The following AK7 variants were observed in gnomAD, a reference collection of about 807,000 sequenced individuals.
The protein encoded by AK7 is ATP-AMP transphosphorylase 7.
A neutral mutation model predicts 96.6 loss-of-function variants in AK7; 78 were observed. That is an observed-to-expected ratio of 0.81 (90% CI 0.67 to 0.97). The LOEUF is 0.97. Ranked by LOEUF, AK7 falls within the 50% of genes least tolerant of loss-of-function variation. The probability of loss-of-function intolerance (pLI) is 0.00; values close to 1 mark genes in which losing one functional copy is unlikely to be tolerated. For synonymous variants in AK7, 302 were observed against 317.2 expected (o/e 0.95, Z 0.51); for missense variants, 855 against 887.9 (o/e 0.96, Z 0.47).
rs1436537358 is a variant in AK7, at chr14:96,444,335, T to TA, written c.779+1519dup. On this transcript the variant is annotated intron_variant, in intron 7 of 17. Coordinates refer to ENST00000267584, the MANE Select transcript of AK7 (RefSeq NM_152327.5). ...AGAAGAGTCTTTTACATTATTAATA[T>TA]AACTTACTTGGCATTAATCCTTAAC... is the stretch of plus-strand genomic sequence containing the variant. 2.6e-5 allele frequency among the ~76,000 whole-genome samples: 4 copies of TA among 152,212 alleles called. No individual in the cohort carries two copies. In the East Asian group the frequency reaches 7.7e-4, roughly 29 times the overall value.
At chr14:96,405,475 T>A (rs1890657940) in intron 3 of AK7, among the ~76,000 whole-genome samples, 1 of 152,048 alleles carries the variant, frequency 6.6e-6, no homozygotes, top group African/African-American at 2.4e-5. Context: ...TGAGCCACAA[T>A]GCCTTACCAA....
chr14:96,438,150 A>G (rs1441128193), intron 6 of AK7, among the ~76,000 whole-genome samples: 1 of 152,228 alleles, frequency 6.6e-6, no homozygotes, highest in Non-Finnish European at 1.5e-5. Flanking sequence ...TGAAACAGAT[A>G]TTGATGTAGT....
intron 4 of AK7, among the ~76,000 whole-genome samples, chr14:96,409,710 T>A (rs1195917648): frequency 6.6e-6 from 1 of 152,262 alleles, no homozygotes; most frequent in Non-Finnish European, 1.5e-5. Flanking sequence ...ATAAAACTCC[T>A]GAAGTACGTG....
intron 2 of AK7, among the ~76,000 whole-genome samples, chr14:96,400,761 C>G (rs1890363331): frequency 6.6e-6 from 1 of 152,212 alleles, no homozygotes. Context: ...ATCATTGTCC[C>G]TTTCCTGAGC....
chr14:96,427,110 T>G (rs1039694174), intron 5 of AK7, among the ~76,000 whole-genome samples: 1 of 152,100 alleles, frequency 6.6e-6, no homozygotes, highest in Non-Finnish European at 1.5e-5. Context: ...CCAGGCGTGG[T>G]AGTGCATGCC....
intron 12 of AK7, among the ~76,000 whole-genome samples, chr14:96,467,585 C>T (rs563407244): frequency 1.3e-5 from 2 of 152,128 alleles, no homozygotes; most frequent in Non-Finnish European, 2.9e-5. Context: ...GGCAATCCAC[C>T]CGCCTCGGCC....
chr14:96,434,188 C>T (rs1008332062), intron 5 of AK7, among the ~76,000 whole-genome samples: 1 of 152,170 alleles, frequency 6.6e-6, no homozygotes, highest in African/African-American at 2.4e-5. Flanking sequence ...CTTGTTTGTA[C>T]CTGTCCCTCT....
intron 12 of AK7, among the ~76,000 whole-genome samples, chr14:96,466,624 C>CACCCTCCCAA (rs1369270924): frequency 3.3e-5 from 5 of 152,144 alleles, no homozygotes; most frequent in African/African-American, 1.2e-4. Flanking sequence ...CCTCCTGCCT[C>CACCCTCCCAA]ACCCTCCCAA....
Position 96,446,598 on chromosome 14 carries a change from C to T in AK7, c.861C>T (p.Asp287=), listed in dbSNP as rs893456792. The T allele has an allele frequency of 6.2e-7, 1 of 1,613,926 alleles. No individual in the cohort carries two copies. Among genetic ancestry groups the T allele is most frequent in the African/African-American group, 1.3e-5 (1 of 75,046 alleles). Residue 287 remains aspartate, a synonymous_variant, in exon 8 of 18, where the codon GAC becomes GAT. Coordinates refer to ENST00000267584, the MANE Select transcript of AK7 (RefSeq NM_152327.5). ...AVDESVHTLE[D]IVKCISKNTG... Reference sequence around the variant, plus strand: ...ATGAGTCTGTTCATACCCTGGAAGACATAGTCAAGGTACAGTGGTTTCATC... The same window carrying T: ...ATGAGTCTGTTCATACCCTGGAAGATATAGTCAAGGTACAGTGGTTTCATC...
intron 5 of AK7, among the ~76,000 whole-genome samples, chr14:96,422,968 A>G (rs536218349): frequency 6.6e-5 from 10 of 152,344 alleles, no homozygotes; most frequent in African/African-American, 2.4e-4. Flanking sequence ...ATCAGCAAAC[A>G]GCAGAATTAA....
Position 96,404,850 on chromosome 14 carries a change from A to T in AK7, c.388A>T (p.Ile130Phe). Residue 130 changes from isoleucine to phenylalanine, a missense_variant, in exon 3 of 18, where the codon ATC (isoleucine) becomes TTC (phenylalanine). Transcript: ENST00000267584. ...TESSQQMEEA[I>F]WAVSALSEEV... Reference sequence around the variant, plus strand: ...GAGCTCACAGCAAATGGAGGAAGCCATCTGGGCAGTCTCTGGTCAGTGAGG... The same window carrying T: ...GAGCTCACAGCAAATGGAGGAAGCCTTCTGGGCAGTCTCTGGTCAGTGAGG... The T allele has an allele frequency of 4.3e-6, 7 of 1,609,724 alleles. No homozygotes were observed. Among genetic ancestry groups the T allele is most frequent in the Non-Finnish European group, 5.9e-6 (7 of 1,176,758 alleles).
intron 4 of AK7, among the ~76,000 whole-genome samples, chr14:96,419,583 A>G (rs1373908933): frequency 6.6e-6 from 1 of 152,106 alleles, no homozygotes; most frequent in East Asian, 1.9e-4. Context: ...GCAGTAAGCT[A>G]TGATCAGGCC....
chr14:96,475,829 A>G (rs188598061), intron 14 of AK7, among the ~76,000 whole-genome samples: 48 of 152,110 alleles, frequency 3.2e-4, no homozygotes, highest in African/African-American at 9.6e-4. Context: ...AACATTCTTA[A>G]TTAGCTGGGT....
rs1343297877 is a variant in AK7 at position 96,471,553 on chromosome 14, A to G, written c.1433A>G (p.Tyr478Cys). ...TCAATGCCTTGCAGGAATCAAGGTTATATTTTGGATGGATTCCCAAAGACC... is the reference window on the plus strand; with the variant it reads ...TCAATGCCTTGCAGGAATCAAGGTTGTATTTTGGATGGATTCCCAAAGACC... ...LKSMPCRNQGYILDGFPKTYD... is the reference protein window; with the variant it reads ...LKSMPCRNQGCILDGFPKTYD... Residue 478 changes from tyrosine to cysteine, a missense_variant, in exon 13 of 18, where the codon TAT becomes TGT. Tyr to Cys is a radical substitution (Grantham distance 194). Transcript: ENST00000267584. The G allele has an allele frequency of 5.6e-6, 9 of 1,597,774 alleles. No homozygotes were observed. Among genetic ancestry groups the G allele is most frequent in the Non-Finnish European group, 6.0e-6 (7 of 1,172,102 alleles).
chr14:96,424,472 A>G (rs1239875988), intron 5 of AK7, among the ~76,000 whole-genome samples: 1 of 152,232 alleles, frequency 6.6e-6, no homozygotes, highest in East Asian at 1.9e-4. Flanking sequence ...GGTAGGTACT[A>G]CTATCATCCT....
At chr14:96,444,844 A>T (rs1220869264) in intron 7 of AK7, among the ~76,000 whole-genome samples, 1 of 151,972 alleles carries the variant, frequency 6.6e-6, no homozygotes, top group African/African-American at 2.4e-5. Context: ...CAGCCTCCCA[A>T]GTAGCTGGGA....
intron 13 of AK7, among the ~76,000 whole-genome samples, 186 bp from the exon 14 acceptor site, chr14:96,472,501 A>G (rs565975754): frequency 6.6e-6 from 1 of 152,286 alleles, no homozygotes; most frequent in East Asian, 1.9e-4. Context: ...GGATGTATAT[A>G]CTACATTTTC....
At chr14:96,480,160 A>G (rs1231363997) in intron 15 of AK7, among the ~76,000 whole-genome samples, 1 of 152,116 alleles carries the variant, frequency 6.6e-6, no homozygotes, top group Non-Finnish European at 1.5e-5. Context: ...GACTGGGTGC[A>G]GTGCCTCACG....
rs11361139 is a variant in AK7 at position 96,488,824 on chromosome 14, C to CTTTTTTTT, written c.*493_*500dup. 2 of 127,786 alleles carry CTTTTTTTT rather than the reference C, an allele frequency of 1.6e-5. No individual in the cohort carries two copies. The highest frequency in any genetic ancestry group is 2.9e-5 in the African/African-American group (1 of 34,252). 7.9% of individuals were successfully genotyped at this position (127,786 alleles called of 1,614,324 possible). A position where few individuals can be genotyped will look rare whatever the true frequency, so the allele number is the denominator to read the frequency against. ...GACAAGATTGGTGCCTGTAAGGTGGCTTTTTTTTTTTTTTTTTTTAAATGA... is the reference window on the plus strand; with the variant it reads ...GACAAGATTGGTGCCTGTAAGGTGGCTTTTTTTTTTTTTTTTTTTTTTTTTTTAAATGA... On this transcript the variant is annotated 3_prime_UTR_variant, in exon 18 of 18. Transcript: ENST00000267584.
Sources: gnomAD v4.1 joint callset for allele counts (sites outside exome capture counted in the v4.1 genomes callset) on GRCh38, gnomAD v4.1.1 for gene constraint, MANE v1.5 for transcripts, NCBI Gene and HGNC (gene_info 2026-07-23, HGNC 2026-07-21) for gene names.